CHTOP: variants seen among roughly 807,000 people sequenced by gnomAD.
The protein encoded by CHTOP is chromatin target of PRMT1.
In CHTOP, 18 loss-of-function variants were observed where a neutral mutation model predicts 33.6. That is an observed-to-expected ratio of 0.54 (90% confidence interval 0.37 to 0.80). The LOEUF (loss-of-function observed/expected upper bound fraction) is 0.80. CHTOP is among the 30% of genes least tolerant of loss of function. The pLI is 0.00. For synonymous variants in CHTOP, 117 were observed against 127.7 expected, an observed-to-expected ratio of 0.92 and a Z score of 0.56; for missense variants, 263 against 336.8, an observed-to-expected ratio of 0.78 and a Z score of 1.71.
chr1:153,636,959 A>G lies in CHTOP; in HGVS notation c.65+306A>G, dbSNP rs1270095178. 5 of 269,780 alleles carry G rather than the reference A, an allele frequency of 1.9e-5. No individual in the cohort carries two copies. In the East Asian group the frequency reaches 3.7e-4, roughly 20 times the overall value. The allele number at this position is 269,780 out of a possible 1,614,324, so 16.7% of individuals were successfully genotyped here. On this transcript the variant is annotated intron_variant, in intron 2 of 5. Coordinates refer to ENST00000368694, the MANE Select transcript of CHTOP (RefSeq NM_015607.4). ...TACTGGGGTCGTGCAGCACGGTAGC[A>G]TGGTACCCTGGCTACAGTAGGCTTG...
At position 153,642,295 on chromosome 1, in the gene CHTOP, G is replaced by C; in HGVS notation, c.269G>C (p.Arg90Pro). 6.2e-7 allele frequency: 1 copy of C among 1,614,084 alleles called. No individual in the cohort carries two copies. The highest frequency in any genetic ancestry group is 8.5e-7 in the Non-Finnish European group (1 of 1,179,982). ...AGTAACATCCAGGCACGGTTAGGCC[G>C]ACCCATAGGGGCCCTGGCCAGGGGA... is the stretch of plus-strand genomic sequence containing the variant. ...GKSNIQARLG[R>P]PIGALARGAI... The change falls in exon 4 of 6, where the codon CGA (arginine) becomes CCA (proline). Residue 90 changes from arginine to proline, a missense_variant. Transcript: ENST00000368694.
At chr1:153,639,384 C>A in intron 3 of CHTOP, 1 of 977,576 alleles carries the variant, frequency 1.0e-6, no homozygotes, top group Non-Finnish European at 1.2e-6. Flanking sequence ...TATGCAAGTC[C>A]GGACAGTGGC....
chr1:153,644,393 G>T (rs1668732353), intron 5 of CHTOP: 1 of 152,232 alleles, frequency 6.6e-6, no homozygotes, highest in Non-Finnish European at 1.5e-5. Context: ...AGTTTGTTTT[G>T]TTAACTGAAT....
intron 3 of CHTOP, among the ~76,000 whole-genome samples, chr1:153,641,932 G>A (rs1043370577): frequency 4.6e-5 from 7 of 152,252 alleles, no homozygotes; most frequent in South Asian, 4.1e-4. Context: ...ATGTTCTTAC[G>A]AAAACTTAAG....
chr1:153,634,864 TTGG>T (rs201186089), intron 1 of CHTOP, among the ~76,000 whole-genome samples: 5 of 99,660 alleles, frequency 5.0e-5, no homozygotes, highest in Admixed American at 1.2e-4. Context: ...ATATTTTTTT[TTGG>T]GGGGGGACGG....
Position 153,645,439 on chromosome 1 carries a change from T to TA in CHTOP, c.*171dup. On this transcript the variant is annotated 3_prime_UTR_variant, in exon 6 of 6. Coordinates refer to ENST00000368694, the MANE Select transcript of CHTOP (RefSeq NM_015607.4). ...TTAGTGTGTTCCTTTTACTTTTTGA[T>TA]ACTGTGTTGTATGAAACCCTTTTGT... 1 of 623,680 alleles carries TA rather than the reference T, an allele frequency of 1.6e-6. No homozygotes were observed. The highest frequency in any genetic ancestry group is 2.7e-6 in the Non-Finnish European group (1 of 368,580). 38.6% of individuals were successfully genotyped at this position (623,680 alleles called of 1,614,324 possible).
rs945816604 is a variant in CHTOP at position 153,639,384 on chromosome 1, C to T, written c.219+936C>T. The T allele has an allele frequency of 6.1e-6, 6 of 977,458 alleles. No individual in the cohort carries two copies. In the South Asian group the frequency reaches 1.9e-4, roughly 31 times the overall value. 60.5% of individuals were successfully genotyped at this position (977,458 alleles called of 1,614,324 possible). A position where few individuals can be genotyped will look rare whatever the true frequency, so the allele number is the denominator to read the frequency against. ...TATTCATAGAATTTATATGCAAGTC[C>T]GGACAGTGGCTGTGGAAGGATATGT... On this transcript the variant is annotated intron_variant, in intron 3 of 5. Coordinates refer to ENST00000368694, the MANE Select transcript of CHTOP (RefSeq NM_015607.4).
intron 3 of CHTOP, among the ~76,000 whole-genome samples, chr1:153,640,893 G>A (rs1435040297): frequency 1.5e-4 from 23 of 152,164 alleles, no homozygotes; most frequent in Admixed American, 1.0e-3. Flanking sequence ...ATTAAAGGCC[G>A]GTATTGGTGG....
rs779275345 is a variant in CHTOP at position 153,638,384 on chromosome 1, A to G, written c.155A>G (p.Asn52Ser). The change falls in exon 3 of 6, where the codon AAC becomes AGC. Residue 52 changes from asparagine to serine, a missense_variant. Physicochemically the swap from Asn to Ser is conservative, Grantham distance 46. Coordinates refer to ENST00000368694, the MANE Select transcript of CHTOP (RefSeq NM_015607.4). ...CAACAGCAGCTAGCCAGTGCCAGAA[A>G]CAGAAGACTGGCCCAGCAGATGGAG... ...QQQQQLASARNRRLAQQMENR... is the reference protein window; with the variant it reads ...QQQQQLASARSRRLAQQMENR... 6.2e-7 allele frequency: 1 copy of G among 1,614,244 alleles called. No homozygotes were observed. Among genetic ancestry groups the G allele is most frequent in the Non-Finnish European group, 8.5e-7 (1 of 1,180,030 alleles).
chr1:153,643,761 A>G (rs926074941), intron 5 of CHTOP: 1 of 155,284 alleles, frequency 6.4e-6, no homozygotes, highest in Non-Finnish European at 1.4e-5. Flanking sequence ...GAAGAGAGAG[A>G]GAGATACAAA....
chr1:153,645,069 G>T lies in CHTOP; in HGVS notation c.547G>T (p.Gly183Cys). Reference protein sequence around the residue: ...GRGGIGGRGRGMIGRGRGGFG... With the variant: ...GRGGIGGRGRCMIGRGRGGFG... ...TTTTTTCCCCTTTGGGCCAGGTCGG[G>T]GTATGATAGGTCGGGGAAGAGGGGG... Residue 183 changes from glycine (G) to cysteine (C), a missense_variant, in exon 6 of 6, where the codon GGT (glycine) becomes TGT (cysteine). By Grantham distance (159) the Gly-to-Cys change is radical (BLOSUM62 -3). Transcript: ENST00000368694. The T allele has an allele frequency of 6.2e-7, 1 of 1,611,868 alleles. No homozygotes were observed. The highest frequency in any genetic ancestry group is 1.1e-5 in the South Asian group (1 of 91,014).
intron 5 of CHTOP, chr1:153,644,443 T>C (rs1668734724): frequency 6.6e-6 from 1 of 152,272 alleles, no homozygotes; most frequent in Non-Finnish European, 1.5e-5. Flanking sequence ...TCAGTTGTCA[T>C]AAGGTAACTA....
chr1:153,643,733 G>A (rs1217032300), intron 5 of CHTOP: 1 of 161,872 alleles, frequency 6.2e-6, no homozygotes. Context: ...ATCCTGGTTT[G>A]AGTCACATGA....
intron 3 of CHTOP, among the ~76,000 whole-genome samples, chr1:153,640,312 TAA>T (rs540258023): frequency 1.1e-4 from 13 of 117,646 alleles, no homozygotes; most frequent in Admixed American, 8.7e-5. Context: ...CCATCTCTAC[TAA>T]AAAAAAAAAA....
rs745975859 is a variant in CHTOP, at chr1:153,645,298, T to C, written c.*29T>C. The C allele has an allele frequency of 5.6e-6, 9 of 1,605,430 alleles. No homozygotes were observed. Among genetic ancestry groups the C allele is most frequent in the Non-Finnish European group, 7.7e-6 (9 of 1,173,190 alleles). ...CTGCCCATCCTCCCATGAGAGACTC[T>C]TGTTAGTCAACACATCTGTAAATAA... On this transcript the variant is annotated 3_prime_UTR_variant, in exon 6 of 6. Transcript: ENST00000368694.
chr1:153,641,022 G>A (rs1288608026), intron 3 of CHTOP, among the ~76,000 whole-genome samples: 1 of 152,228 alleles, frequency 6.6e-6, no homozygotes, highest in Non-Finnish European at 1.5e-5. Context: ...GTGGAATGCA[G>A]TTCTAACCTG....
chr1:153,644,836 T>C (rs1668750208), intron 5 of CHTOP, among the ~76,000 whole-genome samples: 1 of 152,248 alleles, frequency 6.6e-6, no homozygotes, highest in Non-Finnish European at 1.5e-5. Flanking sequence ...GAATAAAATT[T>C]GTTAAAATAG....
At chr1:153,637,321 A>G (rs1668441709) in intron 2 of CHTOP, 1 of 152,244 alleles carries the variant, frequency 6.6e-6, no homozygotes, top group Non-Finnish European at 1.5e-5. Context: ...AAAGATATTC[A>G]AAGGCAGTTT....
chr1:153,646,303 T>C lies in CHTOP; in HGVS notation c.*1034T>C, dbSNP rs1668825443. Reference sequence around the variant, plus strand: ...CATTATAACAAACTGTTCGCTTAAATCCACCCAGGACTCTCTTTATTTGAG... The same window carrying C: ...CATTATAACAAACTGTTCGCTTAAACCCACCCAGGACTCTCTTTATTTGAG... On this transcript the variant is annotated 3_prime_UTR_variant, in exon 6 of 6. Transcript: ENST00000368694. The C allele has an allele frequency of 1.3e-5, 2 of 152,062 alleles. No individual in the cohort carries two copies. Among genetic ancestry groups the C allele is most frequent in the Non-Finnish European group, 2.9e-5 (2 of 68,022 alleles). The allele number at this position is 152,062 out of a possible 1,614,324, so 9.4% of individuals were successfully genotyped here.
Sources: allele counts gnomAD v4.1 joint callset (sites outside exome capture counted in the v4.1 genomes callset), GRCh38; gene constraint gnomAD v4.1.1; transcripts MANE v1.5; gene names NCBI Gene and HGNC (gene_info 2026-07-23, HGNC 2026-07-21).